The following PTK2B variants were observed in gnomAD, a reference collection of about 807,000 sequenced individuals.
The protein encoded by PTK2B is protein tyrosine kinase 2 beta.
A neutral mutation model predicts 142.9 loss-of-function variants in PTK2B; 71 were observed. That is an observed-to-expected ratio of 0.50 (90% CI 0.41 to 0.61). PTK2B has a LOEUF of 0.61. PTK2B is among the 20% of genes least tolerant of loss of function. PTK2B has a pLI of 0.00. For missense variants in PTK2B, 1,105 were observed against 1,320.4 expected, an observed-to-expected ratio of 0.84 and a Z score of 2.53; for synonymous variants, 519 against 503.4, an observed-to-expected ratio of 1.03 and a Z score of -0.42.
chr8:27,315,731 A>C (rs534996862), intron 3 of PTK2B, among the ~76,000 whole-genome samples: 2 of 152,300 alleles, frequency 1.3e-5, no homozygotes, highest in African/African-American at 4.8e-5. Flanking sequence ...GTTAACATTA[A>C]ACCAATAAGG....
chr8:27,348,503 G>A (rs891508206), intron 1 of PTK2B, among the ~76,000 whole-genome samples: 2 of 152,096 alleles, frequency 1.3e-5, no homozygotes, highest in South Asian at 4.1e-4. Flanking sequence ...GCCTAGTAAC[G>A]ATATGCTTAG....
intron 3 of PTK2B, among the ~76,000 whole-genome samples, chr8:27,318,396 T>C (rs1018945417): frequency 2.0e-5 from 3 of 152,184 alleles, no homozygotes; most frequent in Non-Finnish European, 4.4e-5. Flanking sequence ...GGGGACCAGA[T>C]GAGCCCACTC....
At chr8:27,311,319 G>A (rs1802958673), upstream of PTK2B, 1 of 1,406,302 alleles carries the variant, frequency 7.1e-7, no homozygotes, top group South Asian at 1.5e-5. Flanking sequence ...CGACCCGAGT[G>A]CTGGGAATCG....
At chr8:27,398,676 G>A (rs944835480) in intron 2 of PTK2B, among the ~76,000 whole-genome samples, 2 of 152,198 alleles carry the variant, frequency 1.3e-5, no homozygotes, top group African/African-American at 4.8e-5. Flanking sequence ...AACAAAGGAA[G>A]CAGGAACTTT....
chr8:27,424,190 A>G (rs973119336), intron 5 of PTK2B, among the ~76,000 whole-genome samples: 10 of 152,168 alleles, frequency 6.6e-5, no homozygotes, highest in African/African-American at 2.4e-4. Flanking sequence ...TGAGACACCT[A>G]TCACTTGTCA....
chr8:27,379,762 A>C (rs1806901127), intron 1 of PTK2B, among the ~76,000 whole-genome samples: 1 of 152,122 alleles, frequency 6.6e-6, no homozygotes, highest in Non-Finnish European at 1.5e-5. Flanking sequence ...TGTGCATTTT[A>C]TTTTTGAGAT....
chr8:27,444,364 C>T (rs1811339268), intron 23 of PTK2B, 93 bp downstream of exon 23: 1 of 1,424,886 alleles, frequency 7.0e-7, no homozygotes, highest in Middle Eastern at 1.9e-4. Flanking sequence ...CAGCAGTCAC[C>T]CACTTGGGTG....
intron 28 of PTK2B, 94 bp from the exon 29 acceptor site, chr8:27,454,059 TG>T: frequency 6.6e-7 from 1 of 1,505,234 alleles, no homozygotes; most frequent in Non-Finnish European, 9.2e-7. Context: ...ATCGGGCTGG[TG>T]GTGGAGTTGG....
intron 2 of PTK2B, among the ~76,000 whole-genome samples, chr8:27,407,888 G>A (rs536235493): frequency 2.7e-4 from 41 of 152,158 alleles, no homozygotes; most frequent in Non-Finnish European, 5.7e-4. Flanking sequence ...TTACGTGTCT[G>A]TAACCCACAT....
intron 1 of PTK2B, among the ~76,000 whole-genome samples, chr8:27,375,562 A>G (rs1806615237): frequency 6.6e-6 from 1 of 152,198 alleles, no homozygotes; most frequent in Admixed American, 6.5e-5. Context: ...TCCAGGTCCT[A>G]GAATCCACCA....
At chr8:27,325,113 A>C (rs1803334165), upstream of PTK2B, among the ~76,000 whole-genome samples, 1 of 152,102 alleles carries the variant, frequency 6.6e-6, no homozygotes, top group Non-Finnish European at 1.5e-5. Flanking sequence ...GGACATGGAG[A>C]GATTAGGACA....
chr8:27,435,095 T>G (rs928786877), intron 13 of PTK2B, among the ~76,000 whole-genome samples: 1 of 152,238 alleles, frequency 6.6e-6, no homozygotes. Context: ...TACTATAGAC[T>G]GGGTGGCTTA....
intron 27 of PTK2B, 179 bp downstream of exon 27, chr8:27,451,688 C>T: frequency 1.4e-6 from 2 of 1,459,848 alleles, no homozygotes. Context: ...CCCTCCACCC[C>T]ATTCCTCTCC....
In PTK2B at chr8:27,440,241, G is replaced by A. The variant is rs952066636; in HGVS notation, c.1839G>A (p.Val613=). The change falls in exon 21 of 31, where the codon GTG becomes GTA. Residue 613 remains valine, a synonymous_variant. Transcript: ENST00000346049. ...TGACGCTCCCTTACACCCCAGCCGT[G>A]TGCATGTGGGAGATCCTGAGCTTTG... ...TTASDVWMFA[V]CMWEILSFGK... The A allele has an allele frequency of 1.9e-6, 3 of 1,614,072 alleles. No individual in the cohort carries two copies. Among genetic ancestry groups the A allele is most frequent in the South Asian group, 2.2e-5 (2 of 91,086 alleles).
chr8:27,401,360 C>A (rs1586242406), intron 2 of PTK2B, among the ~76,000 whole-genome samples: 1 of 152,214 alleles, frequency 6.6e-6, no homozygotes, highest in East Asian at 1.9e-4. Context: ...AGAAAGGATC[C>A]CAGATAAGGT....
At chr8:27,445,771 G>A in intron 23 of PTK2B, 23 bp from the exon 24 acceptor site, 1 of 1,612,508 alleles carries the variant, frequency 6.2e-7, no homozygotes, top group Non-Finnish European at 8.5e-7. Context: ...CGTGCCTTGT[G>A]CTTCTTTGCT....
intron 1 of PTK2B, among the ~76,000 whole-genome samples, chr8:27,351,036 TATATAC>T (rs1185038885): frequency 8.4e-5 from 8 of 95,626 alleles, no homozygotes; most frequent in South Asian, 4.1e-4. Context: ...TATATATATA[TATATAC>T]GTGCTTGGAG....
Position 27,454,304 on chromosome 8 carries a change from C to G in PTK2B, c.2733+13C>G, listed in dbSNP as rs1293765363. 6.2e-7 allele frequency: 1 copy of G among 1,609,960 alleles called. No homozygotes were observed. The highest frequency in any genetic ancestry group is 8.5e-7 in the Non-Finnish European group (1 of 1,178,352). ...GGTGGTGGTGAAGGTGAGAGCAGGG[C>G]TGGGTTGGGGAGGTGGAGGCGGCTC... On this transcript the variant is annotated intron_variant, in intron 29 of 30. Coordinates refer to ENST00000346049, the MANE Select transcript of PTK2B (RefSeq NM_173176.3).
rs1368294613 is a variant in PTK2B at position 27,451,069 on chromosome 8, G to A, written c.2514G>A (p.Lys838=). Residue 838 remains lysine, a synonymous_variant, in exon 26 of 31, where the codon AAG becomes AAA. Coordinates refer to ENST00000346049, the MANE Select transcript of PTK2B (RefSeq NM_173176.3). ...ACCCCATGGTTTATATGAATGATAA[G>A]TCCCCATTGGTGAGTTGCCAGGAGA... ...SLDPMVYMND[K]SPLTPEKEVG... 11 of 1,612,260 alleles carry A rather than the reference G, an allele frequency of 6.8e-6. No individual in the cohort carries two copies. Among genetic ancestry groups the A allele is most frequent in the South Asian group, 1.1e-5 (1 of 91,050 alleles).
Sources: allele counts gnomAD v4.1 joint callset (sites outside exome capture counted in the v4.1 genomes callset), GRCh38; gene constraint gnomAD v4.1.1; transcripts MANE v1.5; gene names NCBI Gene and HGNC (gene_info 2026-07-23, HGNC 2026-07-21).